Variants in STMND1 observed in about 807,000 individuals in gnomAD.
STMND1 encodes stathmin domain-containing protein 1.
Under a neutral mutation model 23.0 loss-of-function variants are expected in STMND1, and 17 were observed. That is an observed-to-expected ratio of 0.74 (90% CI 0.51 to 1.11). The LOEUF (loss-of-function observed/expected upper bound fraction) is 1.11, where lower values mean the gene tolerates loss of function less well. Among genes scored for constraint, STMND1 ranks in the 50% least tolerant of loss-of-function variants. The probability of loss-of-function intolerance (pLI) is 0.00; values close to 1 mark genes in which losing one functional copy is unlikely to be tolerated. For synonymous variants in STMND1, 114 were observed against 119.9 expected (o/e 0.95, Z 0.32); for missense variants, 305 against 329.1 (o/e 0.93, Z 0.57).
At position 17,126,068 on chromosome 6, in the gene STMND1, A is replaced by AT. The variant is rs1561925804; in HGVS notation, c.412-3043dup. 7.6e-3 allele frequency among the ~76,000 whole-genome samples: 163 copies of AT among 21,372 alleles called. 2 individuals carry two copies. Among genetic ancestry groups the AT allele is most frequent in the East Asian group, 0.03 (10 of 334 alleles). 14.0% of individuals were successfully genotyped at this position (21,372 alleles called of 152,430 possible). ...TATATATATATATATATATATATAT[A>AT]TATTTTTTTTTTTTTTTTTTTTTTT... On this transcript the variant is annotated intron_variant, in intron 3 of 4. Transcript: ENST00000536551.
chr6:17,109,685 C>T (rs961107941), intron 1 of STMND1, among the ~76,000 whole-genome samples: 7 of 152,178 alleles, frequency 4.6e-5, no homozygotes, highest in Non-Finnish European at 4.4e-5. Context: ...TCTCACAGTA[C>T]ACTTTCTAAT....
Position 17,131,032 on chromosome 6 carries a change from G to C in STMND1, c.*151G>C. 1 of 667,606 alleles carries C rather than the reference G, an allele frequency of 1.5e-6. No individual in the cohort carries two copies. Among genetic ancestry groups the C allele is most frequent in the Non-Finnish European group, 2.4e-6 (1 of 424,574 alleles). The allele number at this position is 667,606 out of a possible 1,614,324, so 41.4% of individuals were successfully genotyped here. On this transcript the variant is annotated 3_prime_UTR_variant, in exon 5 of 5. Transcript: ENST00000536551. The stretch of plus-strand genomic sequence containing the variant: ...ATTGTGTGGGCTGCACAGGCTGAAG[G>C]TTAGTTGAGTAAATTAAGTAGCTAT...
rs1178518525 is a variant in STMND1 at position 17,102,281 on chromosome 6, T to C, written c.24T>C (p.Pro8=). 1.3e-6 allele frequency: 2 copies of C among 1,535,872 alleles called. No homozygotes were observed. The highest frequency in any genetic ancestry group is 1.7e-6 in the Non-Finnish European group (2 of 1,146,846). ...GCATGGGCTGTGGACCTTCCCAACC[T>C]GCTGAAGACCGGAGACGTGTACGCG... MGCGPSQ[P]AEDRRRVRAP... is the part of the protein sequence containing the mutation. The change falls in exon 1 of 5, where the codon CCT becomes CCC. Residue 8 remains proline (P), a synonymous_variant. Transcript: ENST00000536551.
chr6:17,106,258 A>G (rs1012839358), intron 1 of STMND1, among the ~76,000 whole-genome samples: 2 of 151,902 alleles, frequency 1.3e-5, no homozygotes, highest in Non-Finnish European at 2.9e-5. Flanking sequence ...TTGATCTTAT[A>G]CCTTCTACTA....
intron 4 of STMND1, 37 bp from the exon 5 acceptor site, chr6:17,130,556 AT>A: frequency 1.4e-6 from 2 of 1,426,028 alleles, no homozygotes. Context: ...GGAGAAAGTT[AT>A]TCACGCTCTT....
At chr6:17,117,708 T>C (rs1431947100) in intron 2 of STMND1, among the ~76,000 whole-genome samples, 1 of 138,668 alleles carries the variant, frequency 7.2e-6, no homozygotes, top group Non-Finnish European at 1.5e-5. Context: ...CAGAGTCTTG[T>C]TCTGTCACCC....
intron 3 of STMND1, among the ~76,000 whole-genome samples, chr6:17,127,361 C>A (rs1761322208): frequency 6.6e-6 from 1 of 151,982 alleles, no homozygotes; most frequent in Admixed American, 6.6e-5. Context: ...ACCAGCCTGG[C>A]CAACATGGTG....
intron 1 of STMND1, among the ~76,000 whole-genome samples, chr6:17,103,566 C>CTTT (rs68161737): frequency 0.11 from 8,637 of 82,176 alleles, 768 homozygotes; most frequent in Non-Finnish European, 0.12. Context: ...GACCCATTAC[C>CTTT]TTTTTTTTTT....
At position 17,129,264 on chromosome 6, in the gene STMND1, C is replaced by G. The variant is rs1318575112; in HGVS notation, c.543+21C>G. ...GGAAGGTAGTGAGCTCTCAGATGCTCTAGGCTTGAGGAGTTCGCTGTCTGT... is the reference window on the plus strand; with the variant it reads ...GGAAGGTAGTGAGCTCTCAGATGCTGTAGGCTTGAGGAGTTCGCTGTCTGT... On this transcript the variant is annotated intron_variant, in intron 4 of 4. Coordinates refer to ENST00000536551, the MANE Select transcript of STMND1 (RefSeq NM_001190766.2). 5 of 1,535,042 alleles carry G rather than the reference C, an allele frequency of 3.3e-6. No homozygotes were observed. In the South Asian group the frequency reaches 6.0e-5, roughly 18 times the overall value.
chr6:17,107,912 A>G (rs1022815591), intron 1 of STMND1, among the ~76,000 whole-genome samples: 1 of 152,242 alleles, frequency 6.6e-6, no homozygotes. Context: ...TAATTAACTT[A>G]TAAGTATGTC....
Position 17,130,628 on chromosome 6 carries a change from G to A in STMND1, c.578G>A (p.Ser193Asn), listed in dbSNP as rs754629011. 2.0e-6 allele frequency: 3 copies of A among 1,535,114 alleles called. No homozygotes were observed. The highest frequency in any genetic ancestry group is 2.6e-6 in the Non-Finnish European group (3 of 1,146,514). The change falls in exon 5 of 5, where the codon AGT (serine) becomes AAT (asparagine). Residue 193 changes from serine (S) to asparagine (N), a missense_variant. Coordinates refer to ENST00000536551, the MANE Select transcript of STMND1 (RefSeq NM_001190766.2). ...KEEEIRKRLR[S>N]DRLLPSANHS... ...GAAGAAATAAGAAAAAGGCTACGGAGTGACCGACTTTTGCCTTCAGCCAAT... is the reference window on the plus strand; with the variant it reads ...GAAGAAATAAGAAAAAGGCTACGGAATGACCGACTTTTGCCTTCAGCCAAT...
intron 3 of STMND1, chr6:17,128,355 T>G (rs569673871): frequency 1.2e-4 from 18 of 152,346 alleles, no homozygotes; most frequent in African/African-American, 4.3e-4. Flanking sequence ...GTTAATTATC[T>G]CTTTCTACCA....
intron 3 of STMND1, among the ~76,000 whole-genome samples, chr6:17,122,763 A>C (rs1314423304): frequency 3.9e-5 from 6 of 152,156 alleles, no homozygotes; most frequent in Non-Finnish European, 5.9e-5. Context: ...AAAATGGATT[A>C]TATAATGGAA....
chr6:17,108,940 G>A (rs1229814084), intron 1 of STMND1, among the ~76,000 whole-genome samples: 2 of 152,012 alleles, frequency 1.3e-5, no homozygotes, highest in Non-Finnish European at 2.9e-5. Flanking sequence ...CAGGTGATCT[G>A]CCTGCCTTGG....
intron 1 of STMND1, among the ~76,000 whole-genome samples, chr6:17,105,976 G>T (rs1211434323): frequency 6.6e-6 from 1 of 151,730 alleles, no homozygotes; most frequent in Non-Finnish European, 1.5e-5. Flanking sequence ...TGCTGTCCTG[G>T]CCCATCCTGG....
At chr6:17,119,512 T>A (rs1019273686) in intron 2 of STMND1, among the ~76,000 whole-genome samples, 1 of 152,160 alleles carries the variant, frequency 6.6e-6, no homozygotes, top group African/African-American at 2.4e-5. Flanking sequence ...GAGACCAGCC[T>A]GTCCAACATG....
At chr6:17,113,303 G>A (rs1008945231) in intron 1 of STMND1, among the ~76,000 whole-genome samples, 1 of 152,184 alleles carries the variant, frequency 6.6e-6, no homozygotes, top group Non-Finnish European at 1.5e-5. Context: ...AAAATCCATA[G>A]GATAGGGCAG....
At chr6:17,104,775 G>A (rs535577461) in intron 1 of STMND1, among the ~76,000 whole-genome samples, 1 of 152,268 alleles carries the variant, frequency 6.6e-6, no homozygotes, top group East Asian at 1.9e-4. Context: ...TAAACCCATG[G>A]TCAAGAGTAT....
In STMND1 at chr6:17,131,306, T is replaced by A. The variant is rs189896949; in HGVS notation, c.*425T>A. 1.1e-3 allele frequency: 166 copies of A among 157,408 alleles called. 1 individual carries two copies. Among genetic ancestry groups the A allele is most frequent in the African/African-American group, 3.6e-3 (152 of 41,768 alleles). The allele number at this position is 157,408 out of a possible 1,614,324, so 9.8% of individuals were successfully genotyped here. ...ATTAAGTATTTTAATGGCTTATATG[T>A]TTTTTATGCTGTATGTCTATGGTTT... On this transcript the variant is annotated 3_prime_UTR_variant, in exon 5 of 5. Coordinates refer to ENST00000536551, the MANE Select transcript of STMND1 (RefSeq NM_001190766.2).
Sources: gnomAD v4.1 joint callset for allele counts (sites outside exome capture counted in the v4.1 genomes callset) on GRCh38, gnomAD v4.1.1 for gene constraint, MANE v1.5 for transcripts, NCBI Gene and HGNC (gene_info 2026-07-23, HGNC 2026-07-21) for gene names.